Variants in CDH18 observed in about 807,000 individuals in gnomAD.
CDH18 encodes cadherin-18.
A neutral mutation model predicts 67.9 loss-of-function variants in CDH18; 31 were observed. The ratio of observed to expected loss-of-function variants is 0.46; its 90% CI spans 0.34 to 0.62. CDH18 has a LOEUF of 0.62. Among genes scored for constraint, CDH18 ranks in the 20% least tolerant of loss-of-function variants. The probability of loss-of-function intolerance (pLI) is 0.01; values close to 1 mark genes in which losing one functional copy is unlikely to be tolerated. For synonymous variants in CDH18, 362 were observed against 347.2 expected (o/e 1.04, Z -0.48); for missense variants, 890 against 975.5 (o/e 0.91, Z 1.17).
intron 5 of CDH18, among the ~76,000 whole-genome samples, chr5:19,629,473 C>T (rs1330828261): frequency 6.6e-6 from 1 of 152,030 alleles, no homozygotes; most frequent in Non-Finnish European, 1.5e-5. Context: ...GAAGAAAGGG[C>T]CACTTATTAC....
At chr5:19,783,476 G>A (rs927519962) in intron 3 of CDH18, among the ~76,000 whole-genome samples, 3 of 152,112 alleles carry the variant, frequency 2.0e-5, no homozygotes, top group Middle Eastern at 3.2e-3. Flanking sequence ...AAATGTGCCT[G>A]ACAGGAGTTT....
intron 11 of CDH18, among the ~76,000 whole-genome samples, chr5:19,497,552 C>T (rs1447643835): frequency 2.0e-5 from 3 of 152,268 alleles, no homozygotes; most frequent in East Asian, 1.9e-4. Flanking sequence ...AGGGTTAGAA[C>T]ATATGTCAGG....
chr5:19,944,522 C>T (rs1795114736), intron 2 of CDH18, among the ~76,000 whole-genome samples: 1 of 152,118 alleles, frequency 6.6e-6, no homozygotes, highest in African/African-American at 2.4e-5. Context: ...TTCAATATTG[C>T]ACATGCCTGG....
intron 2 of CDH18, among the ~76,000 whole-genome samples, chr5:20,105,553 G>C (rs1746858131): frequency 6.6e-6 from 1 of 152,076 alleles, no homozygotes. Flanking sequence ...CTCACCCAAA[G>C]AGAAACTGTA....
intron 2 of CDH18, among the ~76,000 whole-genome samples, chr5:19,923,735 G>T (rs1000059297): frequency 2.0e-5 from 3 of 152,130 alleles, no homozygotes; most frequent in African/African-American, 7.2e-5. Flanking sequence ...TATTTGTAAA[G>T]CCCTAAATAT....
At chr5:19,916,788 C>T (rs1314428273) in intron 2 of CDH18, among the ~76,000 whole-genome samples, 1 of 152,116 alleles carries the variant, frequency 6.6e-6, no homozygotes, top group Non-Finnish European at 1.5e-5. Context: ...TTGATCTTCT[C>T]ACCCAACATA....
At chr5:19,711,686 C>T (rs995688972) in intron 5 of CDH18, among the ~76,000 whole-genome samples, 9 of 147,546 alleles carry the variant, frequency 6.1e-5, no homozygotes, top group African/African-American at 1.3e-4. Context: ...TTGGAAACAC[C>T]GCAGAGAAAA....
chr5:19,825,400 C>A (rs1780304880), intron 3 of CDH18, among the ~76,000 whole-genome samples: 1 of 152,104 alleles, frequency 6.6e-6, no homozygotes, highest in Admixed American at 6.5e-5. Context: ...GCTAGATGGG[C>A]TACACCCACT....
intron 2 of CDH18, among the ~76,000 whole-genome samples, chr5:20,087,482 A>G (rs1459705567): frequency 5.8e-4 from 8 of 13,762 alleles, no homozygotes; most frequent in Non-Finnish European, 2.7e-3. Context: ...TTTGTGGGGA[A>G]AAAAAAAAAA....
At chr5:20,451,774 C>T (rs1162719374) in intron 1 of CDH18, among the ~76,000 whole-genome samples, 1 of 152,058 alleles carries the variant, frequency 6.6e-6, no homozygotes, top group Admixed American at 6.6e-5. Context: ...TATCTGAATT[C>T]AAGTTTAAGT....
intron 1 of CDH18, among the ~76,000 whole-genome samples, chr5:20,419,162 G>A (rs1747607418): frequency 1.3e-5 from 2 of 152,062 alleles, no homozygotes. Flanking sequence ...GAGCTTATCA[G>A]GGGTTTCCGC....
At chr5:20,212,974 CTT>C (rs1740470792) in intron 2 of CDH18, among the ~76,000 whole-genome samples, 2 of 152,104 alleles carry the variant, frequency 1.3e-5, no homozygotes, top group South Asian at 2.1e-4. Flanking sequence ...CCTTCAAAAA[CTT>C]TAGCTTTGCA....
chr5:19,739,937 GA>G (rs1414515101), intron 4 of CDH18, among the ~76,000 whole-genome samples: 2 of 151,950 alleles, frequency 1.3e-5, no homozygotes, highest in Admixed American at 1.3e-4. Context: ...TCTGCAGCAA[GA>G]AACACAGCTG....
At chr5:19,935,445 T>C (rs1579676129) in intron 2 of CDH18, among the ~76,000 whole-genome samples, 2 of 151,282 alleles carry the variant, frequency 1.3e-5, no homozygotes, top group African/African-American at 2.4e-5. Context: ...ACTTTTTCTA[T>C]GTTTTGATAC....
intron 2 of CDH18, among the ~76,000 whole-genome samples, chr5:20,194,240 C>T (rs1738780021): frequency 6.6e-6 from 1 of 152,040 alleles, no homozygotes; most frequent in African/African-American, 2.4e-5. Flanking sequence ...CCCCAAAACT[C>T]CTTGTGATAA....
chr5:20,332,726 T>C (rs1263153777), intron 1 of CDH18, among the ~76,000 whole-genome samples: 1 of 152,206 alleles, frequency 6.6e-6, no homozygotes, highest in Non-Finnish European at 1.5e-5. Flanking sequence ...AAATTTGAAC[T>C]ATACCTACAT....
At chr5:20,356,277 G>A (rs1741599955) in intron 1 of CDH18, among the ~76,000 whole-genome samples, 1 of 152,146 alleles carries the variant, frequency 6.6e-6, no homozygotes, top group African/African-American at 2.4e-5. Flanking sequence ...CAGCTACTTG[G>A]GAGGCTGAGG....
chr5:20,111,542 CTTTCTTTTTTT>C (rs1282731808), intron 2 of CDH18, among the ~76,000 whole-genome samples: 2,769 of 100,034 alleles, frequency 0.028, 41 homozygotes, highest in Middle Eastern at 0.047. Context: ...TTCCTTCCTT[CTTTCTTTTTTT>C]TTTTTTTTTT....
In CDH18 at chr5:20,356,753, C is replaced by CTATA. The variant is rs35935150; in HGVS notation, c.-579-101252_-579-101249dup. Among the ~76,000 whole-genome samples, 437 of 121,480 alleles carry CTATA rather than the reference C, an allele frequency of 3.6e-3. 2 individuals are homozygous for CTATA. Among genetic ancestry groups the CTATA allele is most frequent in the Admixed American group, 5.0e-3 (58 of 11,514 alleles). 79.7% of individuals were successfully genotyped at this position (121,480 alleles called of 152,430 possible). On this transcript the variant is annotated intron_variant, in intron 1 of 14. Coordinates refer to the CDH18 transcript ENST00000507958. ...TCTCTCTCTCTCTCTCTCTCTCTCTCTATATATATATATATATACACATGC... is the reference window on the plus strand; with the variant it reads ...TCTCTCTCTCTCTCTCTCTCTCTCTCTATATATATATATATATATATACACATGC...
Sources: gnomAD v4.1 joint callset for allele counts (sites outside exome capture counted in the v4.1 genomes callset) on GRCh38, gnomAD v4.1.1 for gene constraint, MANE v1.5 for transcripts, NCBI Gene and HGNC (gene_info 2026-07-23, HGNC 2026-07-21) for gene names.